Variants in FAM184B observed in about 807,000 individuals in gnomAD.
The protein encoded by FAM184B is protein FAM184B.
Under a neutral mutation model 135.9 loss-of-function variants are expected in FAM184B, and 111 were observed. The ratio of observed to expected loss-of-function variants is 0.82; its 90% CI spans 0.70 to 0.96. The LOEUF (loss-of-function observed/expected upper bound fraction) is 0.96, where lower values mean the gene tolerates loss of function less well. Among genes scored for constraint, FAM184B ranks in the 40% least tolerant of loss-of-function variants. FAM184B has a pLI of 0.00. For synonymous variants in FAM184B, 552 were observed against 524.8 expected (o/e 1.05, Z -0.71); for missense variants, 1,375 against 1,323.9 (o/e 1.04, Z -0.60).
chr4:17,738,169 A>G (rs1380601617), intron 1 of FAM184B, among the ~76,000 whole-genome samples: 7 of 152,182 alleles, frequency 4.6e-5, no homozygotes, highest in Admixed American at 3.3e-4. Context: ...CAAGCCAAGC[A>G]GTCCTTCTTG....
chr4:17,727,361 C>G (rs1206970300), intron 1 of FAM184B, among the ~76,000 whole-genome samples: 1 of 152,214 alleles, frequency 6.6e-6, no homozygotes, highest in Admixed American at 6.5e-5. Context: ...CTGTCCCTCT[C>G]AAGCAGTGTG....
At chr4:17,721,284 T>C (rs1460370503) in intron 1 of FAM184B, among the ~76,000 whole-genome samples, 1 of 147,964 alleles carries the variant, frequency 6.8e-6, no homozygotes. Flanking sequence ...CTCAGGAGGC[T>C]GAGGCAGGAG....
chr4:17,662,147 C>A (rs577846405), intron 8 of FAM184B, among the ~76,000 whole-genome samples: 8 of 152,246 alleles, frequency 5.3e-5, no homozygotes, highest in African/African-American at 1.9e-4. Flanking sequence ...TGACTTTTGG[C>A]CTCATCCATG....
At chr4:17,661,845 C>T (rs1328313435) in intron 8 of FAM184B, among the ~76,000 whole-genome samples, 3 of 152,176 alleles carry the variant, frequency 2.0e-5, no homozygotes, top group Non-Finnish European at 4.4e-5. Flanking sequence ...TGAACTTTCT[C>T]TCAGGATAGG....
chr4:17,775,893 A>G (rs1298159210), intron 1 of FAM184B, among the ~76,000 whole-genome samples: 3 of 152,248 alleles, frequency 2.0e-5, no homozygotes, highest in Non-Finnish European at 4.4e-5. Context: ...GCTCCTGGGT[A>G]CAATGTATCC....
chr4:17,671,183 G>A (rs1445061466), intron 7 of FAM184B, among the ~76,000 whole-genome samples: 1 of 152,152 alleles, frequency 6.6e-6, no homozygotes, highest in Admixed American at 6.5e-5. Flanking sequence ...TGCCAAAGAT[G>A]CTGCCCCTGG....
At chr4:17,653,392 T>C (rs1377152255) in intron 10 of FAM184B, among the ~76,000 whole-genome samples, 1 of 152,098 alleles carries the variant, frequency 6.6e-6, no homozygotes, top group Non-Finnish European at 1.5e-5. Context: ...CTGCTGTCTG[T>C]GGAGGAAGCC....
Position 17,770,986 on chromosome 4 carries a change from CTT to C in FAM184B, c.141+10171_141+10172del, listed in dbSNP as rs1351152250. 1.3e-4 allele frequency among the ~76,000 whole-genome samples: 20 copies of C among 152,322 alleles called. 1 individual carries two copies. In the South Asian group the frequency reaches 3.9e-3, roughly 30 times the overall value. On this transcript the variant is annotated intron_variant, in intron 1 of 17. Coordinates refer to ENST00000265018, the MANE Select transcript of FAM184B (RefSeq NM_015688.2). The stretch of plus-strand genomic sequence containing the variant: ...CCTTGCATCTGTGAGTCACACTCCT[CTT>C]TGTCTAAGGAATGAAAGGTTTCTTT...
chr4:17,656,698 G>A (rs969511514), intron 10 of FAM184B, among the ~76,000 whole-genome samples: 6 of 151,986 alleles, frequency 3.9e-5, no homozygotes, highest in African/African-American at 7.3e-5. Flanking sequence ...CACAATGCTC[G>A]ACTTTCTTTT....
chr4:17,728,922 C>A (rs1164898990), intron 1 of FAM184B, among the ~76,000 whole-genome samples: 1 of 152,100 alleles, frequency 6.6e-6, no homozygotes, highest in Non-Finnish European at 1.5e-5. Flanking sequence ...GTACAGTGCA[C>A]CATGCGCGAG....
chr4:17,738,971 C>T (rs1282615879), intron 1 of FAM184B, among the ~76,000 whole-genome samples: 2 of 152,214 alleles, frequency 1.3e-5, no homozygotes, highest in Non-Finnish European at 1.5e-5. Flanking sequence ...GAGGCTTTTA[C>T]CAGATGCCCA....
rs186132890 is a variant in FAM184B, at chr4:17,679,397, T to C, written c.1596+9027A>G. ...CAATTCTCAAAAGAAGATATACAAA[T>C]GGTAAACAAACATATGAAAAAATGC... On this transcript the variant is annotated intron_variant, in intron 7 of 17. Coordinates refer to ENST00000265018, the MANE Select transcript of FAM184B (RefSeq NM_015688.2). Among the ~76,000 whole-genome samples, 1,470 of 152,188 alleles carry C rather than the reference T, an allele frequency of 9.7e-3. 15 individuals are homozygous for C. The highest frequency in any genetic ancestry group is 0.017 in the Middle Eastern group (5 of 294).
intron 1 of FAM184B, among the ~76,000 whole-genome samples, chr4:17,765,723 G>C (rs1381553490): frequency 6.6e-6 from 1 of 152,188 alleles, no homozygotes; most frequent in Non-Finnish European, 1.5e-5. Flanking sequence ...TCCGGAAATG[G>C]TGGGTTCTTG....
At chr4:17,702,135 A>C (rs1717000494) in intron 5 of FAM184B, among the ~76,000 whole-genome samples, 1 of 152,138 alleles carries the variant, frequency 6.6e-6, no homozygotes. Flanking sequence ...TTGGGACATT[A>C]TTCCTGGCTG....
At chr4:17,708,719 T>TACATATATA (rs1560182147) in intron 2 of FAM184B, among the ~76,000 whole-genome samples, 173 bp downstream of exon 2, 1 of 112,188 alleles carries the variant, frequency 8.9e-6, no homozygotes, top group African/African-American at 3.4e-5. Flanking sequence ...AGTGTCTGTG[T>TACATATATA]GTGTGTGTGT....
At chr4:17,726,098 G>A (rs757410793) in intron 1 of FAM184B, among the ~76,000 whole-genome samples, 11 of 151,760 alleles carry the variant, frequency 7.2e-5, no homozygotes, top group South Asian at 2.1e-4. Context: ...TAATTTTTTC[G>A]TATTTTCAGT....
At chr4:17,722,052 G>C (rs974143575) in intron 1 of FAM184B, among the ~76,000 whole-genome samples, 2 of 152,238 alleles carry the variant, frequency 1.3e-5, no homozygotes, top group African/African-American at 4.8e-5. Context: ...GGGCTAGAGA[G>C]CTGTCCAGGA....
chr4:17,751,840 C>CACACACAT (rs1718300463), intron 1 of FAM184B, among the ~76,000 whole-genome samples: 1 of 150,704 alleles, frequency 6.6e-6, no homozygotes, highest in Non-Finnish European at 1.5e-5. Flanking sequence ...CACACACACA[C>CACACACAT]ACACACACAC....
chr4:17,749,693 C>T (rs1332426929), intron 1 of FAM184B, among the ~76,000 whole-genome samples: 1 of 152,046 alleles, frequency 6.6e-6, no homozygotes, highest in Non-Finnish European at 1.5e-5. Context: ...ATGGCTGTAT[C>T]ATCTTAAAAA....
Sources: gnomAD v4.1 joint callset for allele counts (sites outside exome capture counted in the v4.1 genomes callset) on GRCh38, gnomAD v4.1.1 for gene constraint, MANE v1.5 for transcripts, NCBI Gene and HGNC (gene_info 2026-07-23, HGNC 2026-07-21) for gene names.